ARMC3: variants seen among roughly 807,000 people sequenced by gnomAD.
ARMC3 encodes the protein armadillo repeat containing 3.
ARMC3 carries 74 observed loss-of-function variants against 90.3 expected under a neutral mutation model. The observed-to-expected ratio is 0.82, with a 90% CI of 0.68 to 0.99. The LOEUF is 0.99. Among genes scored for constraint, ARMC3 ranks in the 50% least tolerant of loss-of-function variants. The pLI is 0.00. For synonymous variants in ARMC3, 334 were observed against 361.8 expected (o/e 0.92, Z 0.87); for missense variants, 958 against 1,042.8 (o/e 0.92, Z 1.12).
At chr10:23,024,395 T>TAGATAGACAGAC (rs1361451688) in intron 16 of ARMC3, among the ~76,000 whole-genome samples, 215 of 118,854 alleles carry the variant, frequency 1.8e-3, no homozygotes, top group African/African-American at 5.6e-3. Context: ...GAATGCCACA[T>TAGATAGACAGAC]AGATAGATAG....
At chr10:22,954,941 A>G (rs1834869836) in intron 3 of ARMC3, among the ~76,000 whole-genome samples, 2 of 152,294 alleles carry the variant, frequency 1.3e-5, no homozygotes. Flanking sequence ...GGTGTAATTC[A>G]GTCTGCGTCC....
chr10:22,931,958 CAA>C (rs777988851), intron 1 of ARMC3, 36 bp from the exon 2 acceptor site: 2 of 1,555,580 alleles, frequency 1.3e-6, no homozygotes, highest in South Asian at 2.3e-5. Flanking sequence ...AATGTATGTG[CAA>C]ATGTCACTTT....
chr10:23,020,122 T>G (rs1017719144), intron 16 of ARMC3, among the ~76,000 whole-genome samples: 16 of 147,764 alleles, frequency 1.1e-4, no homozygotes, highest in Middle Eastern at 6.8e-3. Flanking sequence ...AGTTTTTGTT[T>G]TGTTTTGTTT....
In ARMC3 at chr10:22,961,940, T is replaced by A; in HGVS notation, c.594T>A (p.Asp198Glu). The change falls in exon 7 of 19, where the codon GAT (aspartate) becomes GAA (glutamate). Residue 198 changes from aspartate (D) to glutamate (E), a missense_variant. Coordinates refer to ENST00000298032, the MANE Select transcript of ARMC3 (RefSeq NM_173081.5). ...QELNAIPPIL[D>E]LLKSEYPVIQ... ...TAAATGCAATACCTCCTATCTTAGATCTCTTGAAGTCAGAATATCCAGTGA... is the reference window on the plus strand; with the variant it reads ...TAAATGCAATACCTCCTATCTTAGAACTCTTGAAGTCAGAATATCCAGTGA... 1 of 1,612,036 alleles carries A rather than the reference T, an allele frequency of 6.2e-7. No homozygotes were observed. The highest frequency in any genetic ancestry group is 8.5e-7 in the Non-Finnish European group (1 of 1,179,322).
At chr10:23,023,836 A>T (rs1486354462) in intron 16 of ARMC3, among the ~76,000 whole-genome samples, 1 of 152,136 alleles carries the variant, frequency 6.6e-6, no homozygotes, top group Non-Finnish European at 1.5e-5. Flanking sequence ...AAAAAAATGA[A>T]CAAAGCCTCA....
chr10:23,013,896 T>A lies in ARMC3; in HGVS notation c.2045+4965T>A, dbSNP rs1838147705. Among the ~76,000 whole-genome samples, 3 of 152,214 alleles carry A rather than the reference T, an allele frequency of 2.0e-5. No homozygotes were observed. In the South Asian group the frequency reaches 6.2e-4, roughly 32 times the overall value. On this transcript the variant is annotated intron_variant, in intron 16 of 18. Coordinates refer to ENST00000298032, the MANE Select transcript of ARMC3 (RefSeq NM_173081.5). Reference sequence around the variant, plus strand: ...TATATCCGTAGAGCCTAGAATAGTATCAGGCTCATCAGGGGCAGTAAAAAA... The same window carrying A: ...TATATCCGTAGAGCCTAGAATAGTAACAGGCTCATCAGGGGCAGTAAAAAA...
chr10:22,964,342 CAT>C (rs1303691099), intron 7 of ARMC3, among the ~76,000 whole-genome samples: 1 of 151,934 alleles, frequency 6.6e-6, no homozygotes, highest in East Asian at 1.9e-4. Context: ...TTTCAATTAT[CAT>C]ATGATTATTG....
chr10:22,959,449 G>T lies in ARMC3; in HGVS notation c.412G>T (p.Ala138Ser), dbSNP rs558905322. 19 of 1,613,284 alleles carry T rather than the reference G, an allele frequency of 1.2e-5. No individual in the cohort carries two copies. In the African/African-American group the frequency reaches 2.0e-4, roughly 17 times the overall value. ...TAGTCTTTGTCTAGCAAACATGTCT[G>T]CAGAGTACACCAGTAAAGTGCAAAT... Reference protein sequence around the residue: ...FASLCLANMSAEYTSKVQIFE... With the variant: ...FASLCLANMSSEYTSKVQIFE... The change falls in exon 6 of 19, where the codon GCA becomes TCA. Residue 138 changes from alanine to serine, a missense_variant. Physicochemically the swap from Ala to Ser is moderately conservative, Grantham distance 99. Coordinates refer to ENST00000298032, the MANE Select transcript of ARMC3 (RefSeq NM_173081.5).
chr10:22,977,592 G>A (rs1835988605), intron 8 of ARMC3, among the ~76,000 whole-genome samples: 2 of 152,078 alleles, frequency 1.3e-5, no homozygotes, highest in Non-Finnish European at 2.9e-5. Flanking sequence ...TTATTCAACT[G>A]GTAATCTTCC....
chr10:22,991,299 A>C (rs1836698614), intron 10 of ARMC3, among the ~76,000 whole-genome samples: 1 of 152,162 alleles, frequency 6.6e-6, no homozygotes, highest in Non-Finnish European at 1.5e-5. Flanking sequence ...TGTGCATGTA[A>C]GAGATTACCC....
chr10:22,970,395 T>C (rs187596853), intron 8 of ARMC3, among the ~76,000 whole-genome samples: 4 of 152,310 alleles, frequency 2.6e-5, no homozygotes, highest in East Asian at 1.9e-4. Context: ...GCTCAGGCTA[T>C]GGACGTGGTG....
chr10:22,993,898 G>C (rs1450125541), intron 10 of ARMC3, among the ~76,000 whole-genome samples: 1 of 152,170 alleles, frequency 6.6e-6, no homozygotes, highest in Non-Finnish European at 1.5e-5. Flanking sequence ...ATTTGTGTTT[G>C]AATTTTTCCT....
At chr10:22,942,296 G>A (rs771668580) in intron 2 of ARMC3, among the ~76,000 whole-genome samples, 4 of 152,192 alleles carry the variant, frequency 2.6e-5, no homozygotes, top group Non-Finnish European at 4.4e-5. Flanking sequence ...CCTGAACACT[G>A]TGGGTGCGGC....
intron 16 of ARMC3, among the ~76,000 whole-genome samples, chr10:23,010,679 CCCCCTTCCTTCCTTTCCCTT>C (rs1837934051): frequency 1.8e-5 from 2 of 109,882 alleles, no homozygotes; most frequent in Non-Finnish European, 1.9e-5. Flanking sequence ...TCCTTTCCCT[CCCCCTTCCTTCCTTTCCCTT>C]CCCCCTCCTT....
chr10:22,937,102 T>A (rs1284106733), intron 2 of ARMC3, among the ~76,000 whole-genome samples: 4 of 151,942 alleles, frequency 2.6e-5, no homozygotes, highest in African/African-American at 4.8e-5. Context: ...AGGGTCACAC[T>A]ATGTTGCCCA....
chr10:22,942,106 T>C (rs1834347435), intron 2 of ARMC3, among the ~76,000 whole-genome samples: 1 of 152,140 alleles, frequency 6.6e-6, no homozygotes, highest in Non-Finnish European at 1.5e-5. Flanking sequence ...TAATAGAACA[T>C]GCAATCTAAG....
Position 23,008,289 on chromosome 10 carries a change from T to C in ARMC3, c.1843T>C (p.Ser615Pro). The change falls in exon 15 of 19, where the codon TCT (serine) becomes CCT (proline). Residue 615 changes from serine to proline, a missense_variant. Coordinates refer to ENST00000298032, the MANE Select transcript of ARMC3 (RefSeq NM_173081.5). Reference protein sequence around the residue: ...NSKSYVSPPSSMEDKSDVGYG... With the variant: ...NSKSYVSPPSPMEDKSDVGYG... ...GTAAAATTTTAGTTCTCCACCTTCA[T>C]CTATGGAAGATAAATCAGATGTTGG... The C allele has an allele frequency of 6.5e-7, 1 of 1,530,294 alleles. No homozygotes were observed. The highest frequency in any genetic ancestry group is 8.9e-7 in the Non-Finnish European group (1 of 1,124,004). 94.8% of individuals were successfully genotyped at this position (1,530,294 alleles called of 1,614,324 possible). A position where few individuals can be genotyped will look rare whatever the true frequency, so the allele number is the denominator to read the frequency against.
intron 16 of ARMC3, among the ~76,000 whole-genome samples, chr10:23,026,538 A>G (rs757183632): frequency 6.6e-6 from 1 of 152,142 alleles, no homozygotes; most frequent in Admixed American, 6.5e-5. Flanking sequence ...ACATCTACTT[A>G]TGATGTTGAT....
At chr10:22,999,141 CTT>C (rs1837163534) in intron 11 of ARMC3, among the ~76,000 whole-genome samples, 1 of 149,352 alleles carries the variant, frequency 6.7e-6, no homozygotes, top group South Asian at 2.1e-4. Flanking sequence ...TATATGTACT[CTT>C]GTGTTTCTCT....
Sources: gnomAD v4.1 joint callset for allele counts (sites outside exome capture counted in the v4.1 genomes callset) on GRCh38, gnomAD v4.1.1 for gene constraint, MANE v1.5 for transcripts, NCBI Gene and HGNC (gene_info 2026-07-23, HGNC 2026-07-21) for gene names.